Variants in GLI3 observed in about 807,000 individuals in gnomAD.
GLI3 encodes the protein GLI family zinc finger 3, also known as transcription activator GLI3.
A neutral mutation model predicts 100.8 loss-of-function variants in GLI3; 20 were observed. The ratio of observed to expected loss-of-function variants is 0.20; its 90% CI spans 0.14 to 0.29. The LOEUF (loss-of-function observed/expected upper bound fraction) is 0.29, where lower values mean the gene tolerates loss of function less well. Among genes scored for constraint, GLI3 ranks in the 10% least tolerant of loss-of-function variants. The probability of loss-of-function intolerance (pLI) is 1.00; values close to 1 mark genes in which losing one functional copy is unlikely to be tolerated. For synonymous variants in GLI3, 938 were observed against 860.5 expected, an observed-to-expected ratio of 1.09 and a Z score of -1.58; for missense variants, 2,040 against 2,128.5, an observed-to-expected ratio of 0.96 and a Z score of 0.82.
intron 2 of GLI3, among the ~76,000 whole-genome samples, chr7:42,187,724 G>C (rs1381195472): frequency 6.6e-6 from 1 of 152,026 alleles, no homozygotes; most frequent in Non-Finnish European, 1.5e-5. Context: ...GGCCAGCAGA[G>C]CCGGGCACAG....
chr7:42,160,260 C>T (rs1787100646), intron 2 of GLI3, among the ~76,000 whole-genome samples: 1 of 152,150 alleles, frequency 6.6e-6, no homozygotes, highest in East Asian at 1.9e-4. Flanking sequence ...AGCCCTGGGC[C>T]AGGCATTGGA....
chr7:41,965,058 G>A lies in GLI3; in HGVS notation c.4015C>T (p.Arg1339Cys), dbSNP rs766881333. The part of the protein sequence containing the change: ...GDSMQHPGAG[R>C]PGQQMLGQIS... ...TGCCCAAGCATCTGCTGACCGGGGC[G>A]GCCTGCCCCCGGGTGCTGCATGCTG... The change falls in exon 15 of 15, where the codon CGC becomes TGC. Residue 1339 changes from arginine (R) to cysteine (C), a missense_variant. Physicochemically the swap from Arg to Cys is radical, Grantham distance 180 (BLOSUM62 -3). Transcript: ENST00000395925. 5 of 1,613,712 alleles carry A rather than the reference G, an allele frequency of 3.1e-6. No individual in the cohort carries two copies. In the African/African-American group the frequency reaches 5.3e-5, roughly 17 times the overall value.
intron 13 of GLI3, among the ~76,000 whole-genome samples, chr7:41,971,288 C>T (rs943844912): frequency 5.3e-5 from 8 of 152,274 alleles, no homozygotes; most frequent in African/African-American, 1.4e-4. Context: ...TGATTGTTTC[C>T]GTGCATCCGG....
intron 10 of GLI3, among the ~76,000 whole-genome samples, chr7:42,016,170 G>C (rs1288384142): frequency 6.6e-6 from 1 of 152,078 alleles, no homozygotes; most frequent in Non-Finnish European, 1.5e-5. Flanking sequence ...GAGAAACCTT[G>C]GTTTGGTGTA....
At chr7:42,147,157 G>A (rs1214550936) in intron 3 of GLI3, among the ~76,000 whole-genome samples, 1 of 152,162 alleles carries the variant, frequency 6.6e-6, no homozygotes, top group Non-Finnish European at 1.5e-5. Flanking sequence ...TTAAGGTTAT[G>A]CGAGGCCCTT....
intron 1 of GLI3, among the ~76,000 whole-genome samples, chr7:42,245,693 CA>C (rs1021295336): frequency 2.6e-5 from 4 of 151,338 alleles, no homozygotes; most frequent in Non-Finnish European, 5.9e-5. Context: ...AAAACAAAAA[CA>C]AAAACAAAAC....
chr7:41,979,167 C>T (rs112883840), intron 10 of GLI3, among the ~76,000 whole-genome samples: 1 of 152,212 alleles, frequency 6.6e-6, no homozygotes, highest in Admixed American at 6.5e-5. Context: ...TTCTCCAACT[C>T]TCACATGCTG....
intron 1 of GLI3, among the ~76,000 whole-genome samples, chr7:42,245,672 C>T (rs921621849): frequency 3.3e-5 from 5 of 151,940 alleles, no homozygotes; most frequent in Non-Finnish European, 7.4e-5. Flanking sequence ...CAGAGCAAGA[C>T]TCTGTCTCAA....
Position 42,087,559 on chromosome 7 carries a change from C to T in GLI3, c.368-10702G>A, listed in dbSNP as rs1290967119. ...TTTGACTGAGAATGCCCTTTCCCAT[C>T]AGAGAAACACTGATGGCTCCAGTGA... On this transcript the variant is annotated intron_variant, in intron 3 of 14. Transcript: ENST00000395925. 2.6e-5 allele frequency among the ~76,000 whole-genome samples: 4 copies of T among 152,170 alleles called. No homozygotes were observed. In the East Asian group the frequency reaches 5.8e-4, roughly 22 times the overall value.
intron 2 of GLI3, among the ~76,000 whole-genome samples, chr7:42,188,910 G>A (rs1407679321): frequency 6.6e-6 from 1 of 152,150 alleles, no homozygotes; most frequent in Admixed American, 6.5e-5. Flanking sequence ...TACTATAATG[G>A]CAGATACACA....
intron 4 of GLI3, among the ~76,000 whole-genome samples, chr7:42,069,754 T>TTAC (rs1307304034): frequency 1.3e-5 from 2 of 152,216 alleles, no homozygotes; most frequent in African/African-American, 4.8e-5. Context: ...TCTGTCACAG[T>TTAC]TACTCAACTC....
chr7:42,154,984 T>C (rs1164887051), intron 2 of GLI3, among the ~76,000 whole-genome samples: 3 of 152,174 alleles, frequency 2.0e-5, no homozygotes, highest in Admixed American at 1.3e-4. Flanking sequence ...TTTGCAACCT[T>C]TAAACTGCAC....
At chr7:42,121,958 G>A (rs898632201) in intron 3 of GLI3, among the ~76,000 whole-genome samples, 1 of 152,146 alleles carries the variant, frequency 6.6e-6, no homozygotes, top group Non-Finnish European at 1.5e-5. Flanking sequence ...GAAGGTTTCT[G>A]AGACTGGCAA....
At chr7:42,230,841 C>A (rs1237117703) in intron 1 of GLI3, among the ~76,000 whole-genome samples, 1 of 152,188 alleles carries the variant, frequency 6.6e-6, no homozygotes, top group Non-Finnish European at 1.5e-5. Flanking sequence ...CCCCCACTTT[C>A]TACGGGGTTA....
In GLI3 at chr7:42,076,822, C is replaced by T. The variant is rs753387815; in HGVS notation, c.403G>A (p.Val135Ile). Residue 135 changes from valine (V) to isoleucine (I), a missense_variant, in exon 4 of 15, where the codon GTA (valine) becomes ATA (isoleucine). Physicochemically the swap from Val to Ile is conservative, Grantham distance 29. Transcript: ENST00000395925. ...PHLFPAFHPP[V>I]PIDARHHEGR... ...TCATGATGTCTGGCATCAATTGGTACAGGAGGATGGAAGGCAGGGAAAAGA... is the reference window on the plus strand; with the variant it reads ...TCATGATGTCTGGCATCAATTGGTATAGGAGGATGGAAGGCAGGGAAAAGA... 6.2e-7 allele frequency: 1 copy of T among 1,613,180 alleles called. No individual in the cohort carries two copies. Among genetic ancestry groups the T allele is most frequent in the Non-Finnish European group, 8.5e-7 (1 of 1,179,226 alleles).
chr7:42,190,017 C>T (rs375273542), intron 2 of GLI3, among the ~76,000 whole-genome samples: 1 of 131,004 alleles, frequency 7.6e-6, no homozygotes, highest in Non-Finnish European at 1.6e-5. Context: ...CACACACACA[C>T]AGAGAACTAT....
rs139838580 is a variant in GLI3, at chr7:42,114,672, G to C, written c.367+33554C>G. On this transcript the variant is annotated intron_variant, in intron 3 of 14. Transcript: ENST00000395925. ...AATCTAGTGGTGTAGGTATGTATGT[G>C]TGTGCAGGTCGGGGAGAGTTTTTTG... Among the ~76,000 whole-genome samples the C allele has an allele frequency of 2.7e-3, 415 of 152,202 alleles. 2 individuals are homozygous for C. Among genetic ancestry groups the C allele is most frequent in the African/African-American group, 9.5e-3 (396 of 41,536 alleles).
At chr7:42,015,755 C>A (rs535593151) in intron 10 of GLI3, among the ~76,000 whole-genome samples, 9 of 151,716 alleles carry the variant, frequency 5.9e-5, no homozygotes, top group Non-Finnish European at 7.4e-5. Context: ...ACACACCCAC[C>A]CCCCCACACA....
chr7:42,226,804 G>A (rs1162281710), intron 1 of GLI3, among the ~76,000 whole-genome samples: 1 of 152,104 alleles, frequency 6.6e-6, no homozygotes, highest in Non-Finnish European at 1.5e-5. Flanking sequence ...CATTCTAGAC[G>A]CCCACACCTC....
Sources: gnomAD v4.1 joint callset for allele counts (sites outside exome capture counted in the v4.1 genomes callset) on GRCh38, gnomAD v4.1.1 for gene constraint, MANE v1.5 for transcripts, NCBI Gene and HGNC (gene_info 2026-07-23, HGNC 2026-07-21) for gene names.